Variants in HMGCLL1 observed in about 807,000 individuals in gnomAD.
HMGCLL1 encodes the protein 3-hydroxy-3-methylglutaryl-CoA lyase like 1.
A neutral mutation model predicts 39.1 loss-of-function variants in HMGCLL1; 36 were observed. The observed-to-expected ratio is 0.92, with a 90% CI of 0.71 to 1.22. The LOEUF is 1.22. Among genes scored for constraint, HMGCLL1 ranks in the 50% most tolerant of loss-of-function variants. The probability of loss-of-function intolerance (pLI) is 0.00; values close to 1 mark genes in which losing one functional copy is unlikely to be tolerated. For missense variants in HMGCLL1, 451 were observed against 416.5 expected (o/e 1.08, Z -0.72); for synonymous variants, 149 against 144.0 (o/e 1.03, Z -0.25).
the HMGCLL1 span, among the ~76,000 whole-genome samples, chr6:55,658,885 T>C: frequency 1.3e-5 from 2 of 151,862 alleles, no homozygotes; most frequent in African/African-American, 2.4e-5. Flanking sequence ...GGATAGAATA[T>C]CAAAGCACAG....
At chr6:55,519,118 G>A (rs1313680425) in intron 3 of HMGCLL1, among the ~76,000 whole-genome samples, 1 of 152,136 alleles carries the variant, frequency 6.6e-6, no homozygotes, top group African/African-American at 2.4e-5. Flanking sequence ...GTTCACGTTA[G>A]TATAAAGATT....
the HMGCLL1 span, among the ~76,000 whole-genome samples, chr6:55,639,025 G>GT: frequency 6.6e-6 from 1 of 151,938 alleles, no homozygotes; most frequent in African/African-American, 2.4e-5. Flanking sequence ...TAATTATTTA[G>GT]TTACTATGGT....
At chr6:55,619,158 G>A in the HMGCLL1 span, among the ~76,000 whole-genome samples, 37 of 152,058 alleles carry the variant, frequency 2.4e-4, no homozygotes, top group African/African-American at 8.9e-4. Context: ...AGATGAAGTT[G>A]GTAGGCTATC....
the HMGCLL1 span, among the ~76,000 whole-genome samples, chr6:55,671,277 T>G: frequency 6.6e-6 from 1 of 151,776 alleles, no homozygotes; most frequent in Admixed American, 6.6e-5. Flanking sequence ...CTGGTGGGAT[T>G]AGTTGGAGAG....
At chr6:55,673,558 C>T in the HMGCLL1 span, among the ~76,000 whole-genome samples, 4 of 151,792 alleles carry the variant, frequency 2.6e-5, no homozygotes, top group African/African-American at 4.8e-5. Flanking sequence ...TAGCAAACAC[C>T]GTTAACAGAA....
intron 5 of HMGCLL1, among the ~76,000 whole-genome samples, chr6:55,507,854 A>T (rs1471161118): frequency 6.6e-6 from 1 of 151,888 alleles, no homozygotes; most frequent in Non-Finnish European, 1.5e-5. Flanking sequence ...AAAAGCATCA[A>T]TGTTAAATTC....
chr6:55,514,250 C>T, intron 4 of HMGCLL1, 54 bp from the exon 5 acceptor site: 5 of 1,379,258 alleles, frequency 3.6e-6, no homozygotes, highest in Non-Finnish European at 5.0e-6. Flanking sequence ...ATGTGAATGA[C>T]AGTGGTAGAA....
chr6:55,553,713 A>C (rs1487172512), intron 1 of HMGCLL1, among the ~76,000 whole-genome samples: 2 of 152,146 alleles, frequency 1.3e-5, no homozygotes, highest in Non-Finnish European at 2.9e-5. Context: ...GGCTAACTTG[A>C]AGACATGGGA....
intron 1 of HMGCLL1, among the ~76,000 whole-genome samples, chr6:55,556,188 T>TA (rs1461139577): frequency 5.3e-5 from 8 of 152,136 alleles, no homozygotes; most frequent in African/African-American, 1.9e-4. Context: ...TTCACAAACT[T>TA]ACAGACAATA....
At chr6:55,620,172 G>C in the HMGCLL1 span, among the ~76,000 whole-genome samples, 1 of 152,000 alleles carries the variant, frequency 6.6e-6, no homozygotes, top group African/African-American at 2.4e-5. Context: ...TCCCATGTTT[G>C]ATACACTGAT....
intron 1 of HMGCLL1, among the ~76,000 whole-genome samples, chr6:55,547,417 A>G (rs1275038441): frequency 1.3e-5 from 2 of 151,990 alleles, no homozygotes; most frequent in African/African-American, 2.4e-5. Context: ...GGTAATAGAT[A>G]TGATTGCTTA....
chr6:55,640,958 A>G, the HMGCLL1 span, among the ~76,000 whole-genome samples: 1 of 151,948 alleles, frequency 6.6e-6, no homozygotes, highest in Non-Finnish European at 1.5e-5. Flanking sequence ...AAACTTAATA[A>G]CTAATAAATT....
chr6:55,457,861 T>C (rs1764392059), intron 7 of HMGCLL1, among the ~76,000 whole-genome samples: 1 of 152,084 alleles, frequency 6.6e-6, no homozygotes. Context: ...GGACCAGAAA[T>C]TGAAGCCAGT....
chr6:55,650,693 A>C, the HMGCLL1 span, among the ~76,000 whole-genome samples: 2 of 151,998 alleles, frequency 1.3e-5, no homozygotes, highest in African/African-American at 4.8e-5. Context: ...AGAGAAAACA[A>C]TCTTGGCAAT....
rs1014863687 is a variant in HMGCLL1 at position 55,570,306 on chromosome 6, A to G, written c.108+8642T>C. Reference sequence around the variant, plus strand: ...CTCAGCCTCTTTACTGAACAGTCCTATTATCTACTGGCCTTAGATGAGGTC... The same window carrying G: ...CTCAGCCTCTTTACTGAACAGTCCTGTTATCTACTGGCCTTAGATGAGGTC... On this transcript the variant is annotated intron_variant, in intron 1 of 8. Transcript: ENST00000274901. Among the ~76,000 whole-genome samples, 43 of 152,194 alleles carry G rather than the reference A, an allele frequency of 2.8e-4. 1 individual carries two copies. The highest frequency in any genetic ancestry group is 2.9e-5 in the Non-Finnish European group (2 of 68,036).
the HMGCLL1 span, among the ~76,000 whole-genome samples, chr6:55,590,253 T>A: frequency 6.6e-6 from 1 of 151,782 alleles, no homozygotes; most frequent in Non-Finnish European, 1.5e-5. Context: ...ATGCCACACA[T>A]CTACAACTAT....
the HMGCLL1 span, among the ~76,000 whole-genome samples, chr6:55,652,814 A>C: frequency 6.6e-6 from 1 of 152,124 alleles, no homozygotes; most frequent in Non-Finnish European, 1.5e-5. Context: ...TAAGTATCAT[A>C]AAAACAAGAA....
chr6:55,603,390 T>C, the HMGCLL1 span, among the ~76,000 whole-genome samples: 1 of 152,134 alleles, frequency 6.6e-6, no homozygotes. Flanking sequence ...CAAATTCCAC[T>C]TTTTTAAAGG....
At chr6:55,591,423 C>T in the HMGCLL1 span, among the ~76,000 whole-genome samples, 1 of 151,880 alleles carries the variant, frequency 6.6e-6, no homozygotes, top group Non-Finnish European at 1.5e-5. Context: ...GGCACTTCAT[C>T]TTGATAATCA....
Sources: gnomAD v4.1 joint callset for allele counts (sites outside exome capture counted in the v4.1 genomes callset) on GRCh38, gnomAD v4.1.1 for gene constraint, MANE v1.5 for transcripts, NCBI Gene and HGNC (gene_info 2026-07-23, HGNC 2026-07-21) for gene names.